The following HS3ST4 variants were observed in gnomAD, a reference collection of about 807,000 sequenced individuals.
HS3ST4 encodes heparan sulfate glucosamine 3-O-sulfotransferase 4.
A neutral mutation model predicts 29.2 loss-of-function variants in HS3ST4; 17 were observed. That is an observed-to-expected ratio of 0.58 (90% CI 0.40 to 0.87). HS3ST4 has a LOEUF of 0.87. Ranked by LOEUF, HS3ST4 falls within the 40% of genes least tolerant of loss-of-function variation. The pLI is 0.00. For missense variants in HS3ST4, 627 were observed against 634.5 expected (o/e 0.99, Z 0.13); for synonymous variants, 314 against 285.7 (o/e 1.10, Z -1.00).
At chr16:25,844,674 C>A (rs1482231659) in intron 1 of HS3ST4, among the ~76,000 whole-genome samples, 1 of 152,124 alleles carries the variant, frequency 6.6e-6, no homozygotes, top group African/African-American at 2.4e-5. Context: ...ACCAGAAATA[C>A]CATTTGACCC....
chr16:25,919,420 A>G (rs996349970), intron 1 of HS3ST4, among the ~76,000 whole-genome samples: 1 of 152,206 alleles, frequency 6.6e-6, no homozygotes, highest in Non-Finnish European at 1.5e-5. Flanking sequence ...TCCTCTTTGG[A>G]TATGTCAAAT....
intron 1 of HS3ST4, among the ~76,000 whole-genome samples, chr16:25,811,737 A>G (rs961195141): frequency 1.3e-5 from 2 of 152,116 alleles, no homozygotes; most frequent in Admixed American, 1.3e-4. Flanking sequence ...CCGGCCAGTA[A>G]CATTTTCTTT....
chr16:25,862,365 G>T (rs915312843), intron 1 of HS3ST4, among the ~76,000 whole-genome samples: 2 of 151,984 alleles, frequency 1.3e-5, no homozygotes, highest in Non-Finnish European at 2.9e-5. Context: ...GCTAATTTTT[G>T]TAGTTTTAGT....
At chr16:25,737,225 G>C (rs565521384) in intron 1 of HS3ST4, among the ~76,000 whole-genome samples, 1 of 152,166 alleles carries the variant, frequency 6.6e-6, no homozygotes, top group Non-Finnish European at 1.5e-5. Context: ...TGCTGGTTAC[G>C]ATGCACATTT....
intron 1 of HS3ST4, among the ~76,000 whole-genome samples, chr16:26,100,707 C>A (rs1441900301): frequency 6.6e-6 from 1 of 152,186 alleles, no homozygotes; most frequent in African/African-American, 2.4e-5. Flanking sequence ...AAATCTCCCC[C>A]AACCAAACCC....
At chr16:25,909,169 T>A (rs1440250812) in intron 1 of HS3ST4, among the ~76,000 whole-genome samples, 1 of 152,180 alleles carries the variant, frequency 6.6e-6, no homozygotes, top group East Asian at 1.9e-4. Flanking sequence ...GGGATGGGGC[T>A]GGAGATTCTG....
chr16:25,790,092 C>T (rs1966865463), intron 1 of HS3ST4, among the ~76,000 whole-genome samples: 1 of 152,074 alleles, frequency 6.6e-6, no homozygotes, highest in Non-Finnish European at 1.5e-5. Flanking sequence ...TAGTGGAATT[C>T]CTTGGTCATA....
intron 1 of HS3ST4, among the ~76,000 whole-genome samples, chr16:25,909,498 G>A (rs754600994): frequency 1.3e-5 from 2 of 152,142 alleles, no homozygotes; most frequent in Non-Finnish European, 2.9e-5. Flanking sequence ...TTTCTAAGGA[G>A]CTCCCAAGTG....
intron 1 of HS3ST4, among the ~76,000 whole-genome samples, chr16:25,924,721 A>G (rs1968386076): frequency 6.6e-6 from 1 of 152,172 alleles, no homozygotes; most frequent in African/African-American, 2.4e-5. Flanking sequence ...CTATTATAAA[A>G]TGTAGTCCCT....
intron 1 of HS3ST4, among the ~76,000 whole-genome samples, chr16:26,086,712 T>G (rs1898793688): frequency 6.6e-6 from 1 of 152,208 alleles, no homozygotes; most frequent in South Asian, 2.1e-4. Context: ...GCACAAGAAA[T>G]ATTTGATGAA....
chr16:25,917,753 C>A (rs1596613495), intron 1 of HS3ST4, among the ~76,000 whole-genome samples: 1 of 152,210 alleles, frequency 6.6e-6, no homozygotes, highest in Non-Finnish European at 1.5e-5. Context: ...GTGAAATAGA[C>A]ATTTGAAATT....
rs575027119 is a variant in HS3ST4 at position 25,847,288 on chromosome 16, G to A, written c.734+154137G>A. Among the ~76,000 whole-genome samples the A allele has an allele frequency of 2.1e-4, 32 of 152,080 alleles. 1 individual carries two copies. The South Asian group carries it at 3.3e-3, about 16-fold the overall frequency. ...TATATTGTACCTGGTTCATAATTGG[G>A]ATCCCCCCCATATAAATTGTTATTA... On this transcript the variant is annotated intron_variant, in intron 1 of 1. Coordinates refer to ENST00000331351, the MANE Select transcript of HS3ST4 (RefSeq NM_006040.3).
At chr16:26,056,357 A>T (rs763825949) in intron 1 of HS3ST4, among the ~76,000 whole-genome samples, 5 of 152,234 alleles carry the variant, frequency 3.3e-5, no homozygotes, top group Non-Finnish European at 5.9e-5. Flanking sequence ...TGGGAAGATA[A>T]GAACTGGATG....
intron 1 of HS3ST4, among the ~76,000 whole-genome samples, chr16:25,953,214 C>A (rs955319931): frequency 7.2e-5 from 11 of 152,068 alleles, no homozygotes; most frequent in African/African-American, 2.4e-4. Context: ...GGGAGGCAGG[C>A]ACCAAGGTGT....
chr16:25,692,515 G>A lies in HS3ST4; in HGVS notation c.98G>A (p.Arg33His), dbSNP rs1596545166. Reference sequence around the variant, plus strand: ...GCCTCTGCTAAGGGGCCGCCGGCGCGCAAGCTGCTTTTTATGTGCACCTTG... The same window carrying A: ...GCCTCTGCTAAGGGGCCGCCGGCGCACAAGCTGCTTTTTATGTGCACCTTG... ...PGASAKGPPA[R>H]KLLFMCTLSL... is the part of the protein sequence containing the mutation. Residue 33 changes from arginine to histidine, a missense_variant, in exon 1 of 2, where the codon CGC (arginine) becomes CAC (histidine). Transcript: ENST00000331351. The A allele has an allele frequency of 1.4e-6, 2 of 1,421,166 alleles. No individual in the cohort carries two copies. The highest frequency in any genetic ancestry group is 1.4e-5 in the South Asian group (1 of 73,916). 88.0% of individuals were successfully genotyped at this position (1,421,166 alleles called of 1,614,324 possible). A position where few individuals can be genotyped will look rare whatever the true frequency, so the allele number is the denominator to read the frequency against.
intron 1 of HS3ST4, among the ~76,000 whole-genome samples, chr16:25,699,492 A>C (rs1271047726): frequency 1.3e-5 from 2 of 152,232 alleles, no homozygotes; most frequent in Non-Finnish European, 2.9e-5. Context: ...GATAACTTGC[A>C]CTTATAAAAT....
chr16:25,794,896 TACACACACACACAC>T (rs59740575), intron 1 of HS3ST4, among the ~76,000 whole-genome samples: 4,152 of 136,662 alleles, frequency 0.03, 86 homozygotes, highest in Middle Eastern at 0.056. Flanking sequence ...TACTCAAGAA[TACACACACACACAC>T]ACACACACAC....
intron 1 of HS3ST4, among the ~76,000 whole-genome samples, chr16:26,058,021 C>G (rs1232479453): frequency 6.6e-6 from 1 of 152,154 alleles, no homozygotes; most frequent in Non-Finnish European, 1.5e-5. Context: ...GAGAAGTCCT[C>G]TCTGAGATTT....
At chr16:25,932,198 C>T (rs1041039081) in intron 1 of HS3ST4, among the ~76,000 whole-genome samples, 1 of 152,120 alleles carries the variant, frequency 6.6e-6, no homozygotes, top group Non-Finnish European at 1.5e-5. Flanking sequence ...CCTGTAGTCC[C>T]AGCTGCTTGG....
Sources: gnomAD v4.1 joint callset for allele counts (sites outside exome capture counted in the v4.1 genomes callset) on GRCh38, gnomAD v4.1.1 for gene constraint, MANE v1.5 for transcripts, NCBI Gene and HGNC (gene_info 2026-07-23, HGNC 2026-07-21) for gene names.